The following MAGI2 variants were observed in gnomAD, a reference collection of about 807,000 sequenced individuals.
The protein encoded by MAGI2 is membrane-associated guanylate kinase, WW and PDZ domain-containing protein 2.
MAGI2 carries 35 observed loss-of-function variants against 133.3 expected under a neutral mutation model. That is an observed-to-expected ratio of 0.26 (90% CI 0.20 to 0.35). The LOEUF (loss-of-function observed/expected upper bound fraction) is 0.35. Among genes scored for constraint, MAGI2 ranks in the 10% least tolerant of loss-of-function variants. MAGI2 has a pLI of 1.00. For missense variants in MAGI2, 1,636 were observed against 1,863.4 expected (o/e 0.88, Z 2.25); for synonymous variants, 729 against 710.6 (o/e 1.03, Z -0.41).
intron 6 of MAGI2, among the ~76,000 whole-genome samples, chr7:78,458,935 A>G (rs1789663128): frequency 6.6e-6 from 1 of 152,208 alleles, no homozygotes; most frequent in Admixed American, 6.5e-5. Flanking sequence ...GGCCGGGCTC[A>G]TTACTTTTTT....
intron 13 of MAGI2, among the ~76,000 whole-genome samples, chr7:78,183,271 T>A (rs1188551798): frequency 6.7e-6 from 1 of 149,700 alleles, no homozygotes; most frequent in African/African-American, 2.4e-5. Flanking sequence ...TTTTTGTATT[T>A]TTTTTTTTTT....
chr7:79,142,312 T>TACA (rs755202367), intron 1 of MAGI2, among the ~76,000 whole-genome samples: 2 of 152,224 alleles, frequency 1.3e-5, no homozygotes, highest in African/African-American at 2.4e-5. Flanking sequence ...AATTAAAGTG[T>TACA]ACATTCTCAA....
chr7:78,567,609 C>T (rs975716995), intron 3 of MAGI2, among the ~76,000 whole-genome samples: 1 of 152,102 alleles, frequency 6.6e-6, no homozygotes, highest in Non-Finnish European at 1.5e-5. Context: ...TGTAGATGTT[C>T]CTGACCTCCA....
intron 3 of MAGI2, chr7:78,554,503 A>T (rs1269021130): frequency 6.6e-6 from 1 of 152,238 alleles, no homozygotes; most frequent in Non-Finnish European, 1.5e-5. Flanking sequence ...GATTCAGGAC[A>T]CATTACCCCA....
intron 2 of MAGI2, among the ~76,000 whole-genome samples, chr7:78,669,757 G>A (rs539563902): frequency 3.3e-5 from 5 of 152,286 alleles, no homozygotes; most frequent in African/African-American, 2.4e-5. Flanking sequence ...GGGATGCAAG[G>A]CTGGTTCAAT....
chr7:78,823,268 G>A (rs61298965), intron 2 of MAGI2, among the ~76,000 whole-genome samples: 14 of 152,206 alleles, frequency 9.2e-5, no homozygotes, highest in African/African-American at 2.9e-4. Flanking sequence ...TGGGTTGATA[G>A]TCTAAAAAAA....
chr7:78,275,259 G>GC (rs1794951282), intron 9 of MAGI2, among the ~76,000 whole-genome samples: 1 of 152,142 alleles, frequency 6.6e-6, no homozygotes. Flanking sequence ...GCTTTGGCTT[G>GC]CCCTCTGTGG....
At chr7:79,444,045 A>G (rs1282012752) in intron 1 of MAGI2, among the ~76,000 whole-genome samples, 1 of 152,236 alleles carries the variant, frequency 6.6e-6, no homozygotes, top group Non-Finnish European at 1.5e-5. Context: ...GCATATAAAC[A>G]GAACCAACAA....
At chr7:78,558,637 T>C (rs1411825467) in intron 3 of MAGI2, among the ~76,000 whole-genome samples, 5 of 152,238 alleles carry the variant, frequency 3.3e-5, no homozygotes, top group Non-Finnish European at 5.9e-5. Context: ...CAACCCTCCA[T>C]CCTTCAGTTT....
At chr7:78,490,008 C>T (rs1793452271) in intron 5 of MAGI2, 168 bp from the exon 6 acceptor site, 1 of 506,036 alleles carries the variant, frequency 2.0e-6, no homozygotes, top group African/African-American at 1.9e-5. Flanking sequence ...TTGTGCAAGG[C>T]AGCTGTAAAT....
intron 10 of MAGI2, among the ~76,000 whole-genome samples, chr7:78,229,026 A>G (rs977557485): frequency 9.2e-5 from 14 of 152,270 alleles, no homozygotes; most frequent in African/African-American, 3.4e-4. Context: ...ATGCAAATCA[A>G]TTGAGGCTGG....
intron 1 of MAGI2, among the ~76,000 whole-genome samples, chr7:79,368,389 CAT>C (rs1303403617): frequency 6.6e-6 from 1 of 152,092 alleles, no homozygotes; most frequent in Non-Finnish European, 1.5e-5. Flanking sequence ...ACATTTGCAG[CAT>C]AGTTTTGACT....
chr7:79,391,540 C>CATATATATATATATATATATATATAT (rs1198335417), intron 1 of MAGI2, among the ~76,000 whole-genome samples: 2 of 46,704 alleles, frequency 4.3e-5, no homozygotes, highest in East Asian at 1.1e-3. Flanking sequence ...TATATATAGA[C>CATATATATATATATATATATATATAT]ATATATATAT....
intron 21 of MAGI2, among the ~76,000 whole-genome samples, chr7:78,038,828 C>G (rs1011209236): frequency 2.0e-5 from 3 of 152,210 alleles, no homozygotes; most frequent in Non-Finnish European, 4.4e-5. Context: ...GTTTTCAAAC[C>G]CTCACAGTGC....
intron 1 of MAGI2, among the ~76,000 whole-genome samples, chr7:79,259,180 C>A (rs1296604060): frequency 6.6e-6 from 1 of 152,148 alleles, no homozygotes; most frequent in Non-Finnish European, 1.5e-5. Context: ...CAACAAATAA[C>A]AATACTTTAT....
chr7:78,194,658 A>G (rs1442812756), intron 12 of MAGI2, among the ~76,000 whole-genome samples: 1 of 152,232 alleles, frequency 6.6e-6, no homozygotes, highest in Non-Finnish European at 1.5e-5. Flanking sequence ...TTAGGGGAAG[A>G]AAAGTAGGAG....
chr7:78,611,671 T>C (rs142655394), intron 3 of MAGI2, among the ~76,000 whole-genome samples: 3 of 152,320 alleles, frequency 2.0e-5, no homozygotes, highest in Non-Finnish European at 4.4e-5. Context: ...GAGATAAAAC[T>C]TCCTACAACA....
At chr7:78,710,792 T>C (rs1420550119) in intron 2 of MAGI2, among the ~76,000 whole-genome samples, 2 of 152,150 alleles carry the variant, frequency 1.3e-5, no homozygotes, top group Non-Finnish European at 2.9e-5. Context: ...AGGCAACCCC[T>C]CTGTACCTAT....
At chr7:79,155,238 GTTT>G (rs1340622753) in intron 1 of MAGI2, among the ~76,000 whole-genome samples, 1 of 145,332 alleles carries the variant, frequency 6.9e-6, no homozygotes, top group African/African-American at 2.5e-5. Context: ...GATGATCAAT[GTTT>G]TAAAGTCATG....
Sources: allele counts gnomAD v4.1 joint callset (sites outside exome capture counted in the v4.1 genomes callset), GRCh38; gene constraint gnomAD v4.1.1; transcripts MANE v1.5; gene names NCBI Gene and HGNC (gene_info 2026-07-23, HGNC 2026-07-21).